The following PRKN variants were observed in gnomAD, a reference collection of about 807,000 sequenced individuals.
The protein encoded by PRKN is E3 ubiquitin-protein ligase parkin.
In PRKN, 56 loss-of-function variants were observed where a neutral mutation model predicts 59.5. That is an observed-to-expected ratio of 0.94 (90% CI 0.76 to 1.18). The LOEUF (loss-of-function observed/expected upper bound fraction) is 1.18, where lower values mean the gene tolerates loss of function less well. PRKN is among the 50% of genes most tolerant of loss of function. The pLI, the probability that PRKN is intolerant of heterozygous loss-of-function variation, is 0.00. For synonymous variants in PRKN, 250 were observed against 222.1 expected (o/e 1.13, Z -1.12); for missense variants, 657 against 596.4 (o/e 1.10, Z -1.06).
chr6:162,383,816 A>T (rs1259779577), intron 2 of PRKN, among the ~76,000 whole-genome samples: 1 of 152,210 alleles, frequency 6.6e-6, no homozygotes, highest in Non-Finnish European at 1.5e-5. Flanking sequence ...CGATGATCAT[A>T]ACCAGAACTT....
chr6:162,580,264 C>G (rs1461558883), intron 1 of PRKN, among the ~76,000 whole-genome samples: 1 of 152,024 alleles, frequency 6.6e-6, no homozygotes, highest in Non-Finnish European at 1.5e-5. Flanking sequence ...TTGCGGAACC[C>G]TATCTCTACC....
At chr6:161,854,048 C>T (rs896317501) in intron 6 of PRKN, among the ~76,000 whole-genome samples, 5 of 148,706 alleles carry the variant, frequency 3.4e-5, no homozygotes, top group Non-Finnish European at 5.9e-5. Context: ...GAGTTCGAAA[C>T]CAGCCTGGCC....
At position 161,916,841 on chromosome 6, in the gene PRKN, C is replaced by G. The variant is rs577738885; in HGVS notation, c.734+56461G>C. 3.3e-5 allele frequency among the ~76,000 whole-genome samples: 5 copies of G among 152,256 alleles called. No homozygotes were observed. In the South Asian group the frequency reaches 1.0e-3, roughly 32 times the overall value. On this transcript the variant is annotated intron_variant, in intron 6 of 11. Coordinates refer to ENST00000366898, the MANE Select transcript of PRKN (RefSeq NM_004562.3). ...TGAGGCGGAGTCGCGCTCTGTCACC[C>G]AGGCTGGAATGCAGTGGCGCGACCT...
intron 1 of PRKN, among the ~76,000 whole-genome samples, chr6:162,486,837 A>G (rs1218884468): frequency 6.6e-6 from 1 of 152,134 alleles, no homozygotes; most frequent in Non-Finnish European, 1.5e-5. Context: ...TGGGAGGCCG[A>G]GGTGGGTGGA....
rs1296023922 is a variant in PRKN at position 161,448,655 on chromosome 6, A to G, written c.1084-61778T>C. 6.6e-6 allele frequency among the ~76,000 whole-genome samples: 1 copy of G among 152,072 alleles called. No homozygotes were observed. The highest frequency in any genetic ancestry group is 1.5e-5 in the Non-Finnish European group (1 of 68,022). Reference sequence around the variant, plus strand: ...CCAAATATTTGCATTTTTGCTACACATTACGTGCAAGGCTTTTATCTGCTT... The same window carrying G: ...CCAAATATTTGCATTTTTGCTACACGTTACGTGCAAGGCTTTTATCTGCTT... On this transcript the variant is annotated intron_variant, in intron 9 of 11. Transcript: ENST00000366898. This position sits in a 1 kb window ranked among gnomAD's most constrained non-coding sequence, Gnocchi z 5.1.
intron 1 of PRKN, among the ~76,000 whole-genome samples, chr6:162,633,581 G>T (rs970501261): frequency 1.3e-5 from 2 of 151,872 alleles, no homozygotes; most frequent in Non-Finnish European, 2.9e-5. Flanking sequence ...TTTTCTAGTT[G>T]AGAAATCATG....
intron 4 of PRKN, among the ~76,000 whole-genome samples, chr6:162,061,334 A>G (rs1478438628): frequency 6.6e-6 from 1 of 152,176 alleles, no homozygotes; most frequent in East Asian, 1.9e-4. Context: ...AAAAATGGCA[A>G]CTGTTACAAG....
Position 162,720,102 on chromosome 6 carries a change from A to T in PRKN, c.7+7560T>A, listed in dbSNP as rs1778878669. 2.6e-5 allele frequency among the ~76,000 whole-genome samples: 4 copies of T among 152,200 alleles called. No homozygotes were observed. The South Asian group carries it at 8.3e-4, about 31-fold the overall frequency. On this transcript the variant is annotated intron_variant, in intron 1 of 11. Transcript: ENST00000366898. Reference sequence around the variant, plus strand: ...CAGTTACAGAGGGCTTCATCACAAGATCTTATTTATGCACTGAAACTCCAA... The same window carrying T: ...CAGTTACAGAGGGCTTCATCACAAGTTCTTATTTATGCACTGAAACTCCAA...
intron 1 of PRKN, among the ~76,000 whole-genome samples, chr6:162,520,181 T>C (rs1778030504): frequency 1.3e-5 from 2 of 152,194 alleles, no homozygotes; most frequent in South Asian, 4.1e-4. Flanking sequence ...ATCATTTACC[T>C]TCCAAAGAAG....
chr6:161,839,793 A>C (rs1792909270), intron 6 of PRKN, among the ~76,000 whole-genome samples: 1 of 152,216 alleles, frequency 6.6e-6, no homozygotes, highest in Non-Finnish European at 1.5e-5. Flanking sequence ...CCTCAGGAAC[A>C]CACGGAAAAA....
At chr6:161,951,847 A>G (rs1028590641) in intron 6 of PRKN, among the ~76,000 whole-genome samples, 4 of 151,956 alleles carry the variant, frequency 2.6e-5, no homozygotes, top group Admixed American at 2.6e-4. Flanking sequence ...GCTTGAACCC[A>G]GAAGGCGGAG....
chr6:162,109,838 T>C (rs994818900), intron 4 of PRKN, among the ~76,000 whole-genome samples: 1 of 152,236 alleles, frequency 6.6e-6, no homozygotes, highest in Non-Finnish European at 1.5e-5. Context: ...CCTGGTACTG[T>C]TGCTGTAGGT....
rs1790526105 is a variant in PRKN, at chr6:161,467,300, T to A, written c.1084-80423A>T. On this transcript the variant is annotated intron_variant, in intron 9 of 11. Coordinates refer to ENST00000366898, the MANE Select transcript of PRKN (RefSeq NM_004562.3). The surrounding 1 kb of genome is among the most constrained non-coding windows in gnomAD (Gnocchi z 4.3). ...TCAGTAAATATTATTGAGAGTGGACTGTGTGCCTGGCACTGTGCGGTGAAT... is the reference window on the plus strand; with the variant it reads ...TCAGTAAATATTATTGAGAGTGGACAGTGTGCCTGGCACTGTGCGGTGAAT... 6.6e-6 allele frequency among the ~76,000 whole-genome samples: 1 copy of A among 152,252 alleles called. No homozygotes were observed. The highest frequency in any genetic ancestry group is 2.4e-5 in the African/African-American group (1 of 41,462).
chr6:161,434,042 A>G (rs1788770756), intron 9 of PRKN, among the ~76,000 whole-genome samples: 1 of 151,916 alleles, frequency 6.6e-6, no homozygotes. Context: ...TTTTTATAAC[A>G]CTCCAGGAGT....
intron 1 of PRKN, among the ~76,000 whole-genome samples, chr6:162,560,853 C>CAAAAAAAAAAAAAA (rs60391138): frequency 0.1 from 5,673 of 55,566 alleles, 1,433 homozygotes; most frequent in Non-Finnish European, 0.13. Flanking sequence ...GAGAGAGAGG[C>CAAAAAAAAAAAAAA]AAAAAAAAAA....
At chr6:162,458,561 T>C (rs1324911762) in intron 1 of PRKN, among the ~76,000 whole-genome samples, 1 of 151,770 alleles carries the variant, frequency 6.6e-6, no homozygotes, top group Non-Finnish European at 1.5e-5. Flanking sequence ...GTTAAATATT[T>C]CCAGTACGTG....
At chr6:162,320,858 C>T (rs1163169967) in intron 2 of PRKN, among the ~76,000 whole-genome samples, 1 of 151,612 alleles carries the variant, frequency 6.6e-6, no homozygotes, top group Non-Finnish European at 1.5e-5. Context: ...AAAATGAAGA[C>T]ATAACATAAC....
chr6:162,122,084 G>C (rs1780938388), intron 4 of PRKN, among the ~76,000 whole-genome samples: 1 of 152,176 alleles, frequency 6.6e-6, no homozygotes, highest in Non-Finnish European at 1.5e-5. Flanking sequence ...GCACTCCATA[G>C]AAATGCTCTC....
In PRKN at chr6:161,414,046, G is replaced by A. The variant is rs1787718990; in HGVS notation, c.1084-27169C>T. Among the ~76,000 whole-genome samples the A allele has an allele frequency of 6.6e-6, 1 of 152,150 alleles. No individual in the cohort carries two copies. Among genetic ancestry groups the A allele is most frequent in the Non-Finnish European group, 1.5e-5 (1 of 68,034 alleles). On this transcript the variant is annotated intron_variant, in intron 9 of 11. Coordinates refer to ENST00000366898, the MANE Select transcript of PRKN (RefSeq NM_004562.3). This position sits in a 1 kb window ranked among gnomAD's most constrained non-coding sequence, Gnocchi z 5.3. ...GGACGTGAAACTCCTCGACAGCACT[G>A]TGTCCTGGGCCGAGGTGGGGAGGGT... is the stretch of plus-strand genomic sequence containing the variant.
Sources: allele counts gnomAD v4.1 joint callset (sites outside exome capture counted in the v4.1 genomes callset), GRCh38; gene constraint gnomAD v4.1.1; non-coding constraint Gnocchi (gnomAD v3.1); transcripts MANE v1.5; gene names NCBI Gene and HGNC (gene_info 2026-07-23, HGNC 2026-07-21).